DYNC1I1: variants seen among roughly 807,000 people sequenced by gnomAD.
DYNC1I1 encodes the protein cytoplasmic dynein 1 intermediate chain 1.
DYNC1I1 carries 43 observed loss-of-function variants against 86.6 expected under a neutral mutation model. The observed-to-expected ratio is 0.50, with a 90% CI of 0.39 to 0.64. DYNC1I1 has a LOEUF of 0.64. DYNC1I1 is among the 30% of genes least tolerant of loss of function. The pLI, the probability that DYNC1I1 is intolerant of heterozygous loss-of-function variation, is 0.00. For synonymous variants in DYNC1I1, 262 were observed against 283.7 expected (o/e 0.92, Z 0.77); for missense variants, 604 against 788.8 (o/e 0.77, Z 2.81).
At position 96,081,079 on chromosome 7, in the gene DYNC1I1, A is replaced by AAAAAAAAAAAAAAAG. The variant is rs375715304; in HGVS notation, c.1776+595_1776+596insAAAAAAAAAAGAAAA. 7.2e-3 allele frequency among the ~76,000 whole-genome samples: 966 copies of AAAAAAAAAAAAAAAG among 133,322 alleles called. 11 individuals carry two copies. The highest frequency in any genetic ancestry group is 0.01 in the East Asian group (46 of 4,542). The allele number at this position is 133,322 out of a possible 152,430, so 87.5% of individuals were successfully genotyped here. The stretch of plus-strand genomic sequence containing the variant: ...AGAGACTCCATCTCAAAAAAAAAAG[A>AAAAAAAAAAAAAAAG]AAAAGAAAAGAAAAGAAAAGTTTGC... On this transcript the variant is annotated intron_variant, in intron 16 of 16. Coordinates refer to ENST00000447467, the MANE Select transcript of DYNC1I1 (RefSeq NM_001135556.2).
chr7:95,895,559 A>G (rs1790860403), intron 6 of DYNC1I1, among the ~76,000 whole-genome samples: 1 of 152,184 alleles, frequency 6.6e-6, no homozygotes, highest in Non-Finnish European at 1.5e-5. Flanking sequence ...TACATTCATT[A>G]GCAGTTCCTG....
At chr7:96,008,697 G>T (rs917916391) in intron 10 of DYNC1I1, among the ~76,000 whole-genome samples, 1 of 152,116 alleles carries the variant, frequency 6.6e-6, no homozygotes. Flanking sequence ...CTTTGGAAAA[G>T]TAATAATCCC....
chr7:95,987,982 A>T (rs1408380312), intron 9 of DYNC1I1, among the ~76,000 whole-genome samples: 1 of 152,152 alleles, frequency 6.6e-6, no homozygotes, highest in Non-Finnish European at 1.5e-5. Context: ...TCATCATCTA[A>T]TACTATTCTT....
intron 9 of DYNC1I1, among the ~76,000 whole-genome samples, chr7:95,994,877 TAG>T: frequency 6.6e-6 from 1 of 152,064 alleles, no homozygotes; most frequent in East Asian, 1.9e-4. Flanking sequence ...ACCTTAAAGA[TAG>T]AAAGAAAATA....
At chr7:95,921,513 A>T (rs1791608837) in intron 6 of DYNC1I1, among the ~76,000 whole-genome samples, 1 of 148,672 alleles carries the variant, frequency 6.7e-6, no homozygotes, top group Non-Finnish European at 1.5e-5. Flanking sequence ...TCTGGGACAG[A>T]CTTTTCTGCC....
intron 7 of DYNC1I1, among the ~76,000 whole-genome samples, chr7:95,978,603 C>G (rs1032835140): frequency 9.2e-5 from 14 of 152,268 alleles, no homozygotes; most frequent in African/African-American, 3.4e-4. Flanking sequence ...TGATTAGAAG[C>G]TCATTTGATC....
At chr7:95,832,999 T>C (rs1788957734) in intron 5 of DYNC1I1, among the ~76,000 whole-genome samples, 1 of 150,608 alleles carries the variant, frequency 6.6e-6, no homozygotes, top group Non-Finnish European at 1.5e-5. Context: ...CAATTTTGGC[T>C]TTTGTTGCCA....
chr7:95,893,672 A>G (rs1158954754), intron 6 of DYNC1I1, among the ~76,000 whole-genome samples: 1 of 152,212 alleles, frequency 6.6e-6, no homozygotes, highest in Non-Finnish European at 1.5e-5. Context: ...TTAGGTATCA[A>G]AGACTGCTGA....
intron 6 of DYNC1I1, among the ~76,000 whole-genome samples, chr7:95,903,626 T>C (rs7792025): frequency 0.13 from 19,573 of 152,162 alleles, 1,313 homozygotes; most frequent in South Asian, 0.22. Flanking sequence ...ATGATATCAT[T>C]TTATTAGCAC....
At chr7:96,052,889 T>C (rs552510817) in intron 14 of DYNC1I1, among the ~76,000 whole-genome samples, 1 of 152,340 alleles carries the variant, frequency 6.6e-6, no homozygotes, top group East Asian at 1.9e-4. Context: ...TGATGTCATG[T>C]AGACTGAAGG....
intron 4 of DYNC1I1, chr7:95,818,471 TA>T: frequency 1.7e-6 from 1 of 590,414 alleles, no homozygotes; most frequent in Non-Finnish European, 2.9e-6. Context: ...CCAGCTGATT[TA>T]ATTTTTTTTT....
At chr7:95,902,736 T>C (rs757163924) in intron 6 of DYNC1I1, among the ~76,000 whole-genome samples, 1 of 152,110 alleles carries the variant, frequency 6.6e-6, no homozygotes, top group Non-Finnish European at 1.5e-5. Context: ...AATCCACTTG[T>C]CTCCTCCTCC....
At chr7:96,032,598 G>T in intron 11 of DYNC1I1, 69 bp from the exon 12 acceptor site, 1 of 1,199,038 alleles carries the variant, frequency 8.3e-7, no homozygotes. Context: ...AGAGTAATGT[G>T]TTTGACACTC....
At chr7:95,821,410 TA>T (rs1467879847) in intron 4 of DYNC1I1, among the ~76,000 whole-genome samples, 1 of 152,060 alleles carries the variant, frequency 6.6e-6, no homozygotes, top group Non-Finnish European at 1.5e-5. Flanking sequence ...TGCCTGGGGT[TA>T]GAGTAGAAAG....
rs369650144 is a variant in DYNC1I1 at position 95,866,779 on chromosome 7, A to G, written c.375-3104A>G. ...TTATAAGGAATTGCTTTAAAATTAT[A>G]AATTATTTGAGACAGATTCACCCTC... On this transcript the variant is annotated intron_variant, in intron 5 of 16. Transcript: ENST00000447467. Among the ~76,000 whole-genome samples the G allele has an allele frequency of 7.9e-5, 12 of 152,312 alleles. No homozygotes were observed. The South Asian group carries it at 2.5e-3, about 32-fold the overall frequency.
chr7:95,867,375 T>C (rs1790040999), intron 5 of DYNC1I1, among the ~76,000 whole-genome samples: 1 of 152,164 alleles, frequency 6.6e-6, no homozygotes, highest in Admixed American at 6.5e-5. Context: ...AGGTACCCAT[T>C]TTACAGATAA....
intron 1 of DYNC1I1, among the ~76,000 whole-genome samples, chr7:95,779,901 C>G (rs571833640): frequency 6.6e-6 from 1 of 152,232 alleles, no homozygotes; most frequent in East Asian, 1.9e-4. Flanking sequence ...GTCTTGCTTT[C>G]CTGAATCAGG....
chr7:96,010,913 G>A (rs138287839), intron 10 of DYNC1I1, among the ~76,000 whole-genome samples: 4 of 152,310 alleles, frequency 2.6e-5, no homozygotes, highest in Non-Finnish European at 5.9e-5. Context: ...TAGTCTTCCA[G>A]ATGTGTGACA....
At chr7:95,891,377 A>C (rs1350771901) in intron 6 of DYNC1I1, among the ~76,000 whole-genome samples, 2 of 152,220 alleles carry the variant, frequency 1.3e-5, no homozygotes, top group African/African-American at 4.8e-5. Flanking sequence ...CGTTTGGTCT[A>C]AGGGTAAAAA....
Sources: gnomAD v4.1 joint callset for allele counts (sites outside exome capture counted in the v4.1 genomes callset) on GRCh38, gnomAD v4.1.1 for gene constraint, MANE v1.5 for transcripts, NCBI Gene and HGNC (gene_info 2026-07-23, HGNC 2026-07-21) for gene names.